The following MPP7 variants were observed in gnomAD, a reference collection of about 807,000 sequenced individuals.
MPP7 encodes MAGUK p55 subfamily member 7.
Under a neutral mutation model 76.5 loss-of-function variants are expected in MPP7, and 60 were observed. The observed-to-expected ratio is 0.78, with a 90% confidence interval of 0.64 to 0.97. The LOEUF is 0.97. Among genes scored for constraint, MPP7 ranks in the 50% least tolerant of loss-of-function variants. The pLI, the probability that MPP7 is intolerant of heterozygous loss-of-function variation, is 0.00. For synonymous variants in MPP7, 237 were observed against 244.5 expected (o/e 0.97, Z 0.29); for missense variants, 641 against 694.0 (o/e 0.92, Z 0.86).
At chr10:28,208,388 G>A (rs1564702494) in intron 2 of MPP7, among the ~76,000 whole-genome samples, 1 of 152,102 alleles carries the variant, frequency 6.6e-6, no homozygotes, top group South Asian at 2.1e-4. Flanking sequence ...AATATCCTGG[G>A]GGTGTATATA....
At chr10:28,185,277 A>G (rs920227853) in intron 3 of MPP7, among the ~76,000 whole-genome samples, 4 of 151,366 alleles carry the variant, frequency 2.6e-5, no homozygotes, top group Non-Finnish European at 5.9e-5. Context: ...TATGATAATA[A>G]TATAAGTTAT....
chr10:28,296,568 G>T (rs1264440268), intron 1 of MPP7, among the ~76,000 whole-genome samples: 1 of 152,114 alleles, frequency 6.6e-6, no homozygotes, highest in African/African-American at 2.4e-5. Flanking sequence ...AATGGATATC[G>T]CAACTGCTAT....
chr10:28,163,719 G>A (rs530238150), intron 3 of MPP7, among the ~76,000 whole-genome samples: 2 of 151,966 alleles, frequency 1.3e-5, no homozygotes, highest in African/African-American at 2.4e-5. Context: ...TGACCGAGGC[G>A]GGTGGATCAC....
chr10:28,279,957 G>A (rs759440040), intron 1 of MPP7: 1 of 152,060 alleles, frequency 6.6e-6, no homozygotes, highest in Non-Finnish European at 1.5e-5. Context: ...TGTGTGAGAT[G>A]AGGCTATCTG....
chr10:28,167,540 C>T (rs970328937), intron 3 of MPP7, among the ~76,000 whole-genome samples: 12 of 152,042 alleles, frequency 7.9e-5, no homozygotes, highest in Admixed American at 1.3e-4. Flanking sequence ...TTTGGGTGAC[C>T]GGCTCAACAG....
At chr10:28,250,596 C>T (rs1036698782) in intron 1 of MPP7, among the ~76,000 whole-genome samples, 2 of 152,146 alleles carry the variant, frequency 1.3e-5, no homozygotes, top group Non-Finnish European at 2.9e-5. Flanking sequence ...TCTAAATAAA[C>T]GAGCTGATGA....
At chr10:28,132,745 C>A (rs997894873) in intron 5 of MPP7, among the ~76,000 whole-genome samples, 2 of 152,120 alleles carry the variant, frequency 1.3e-5, no homozygotes, top group Non-Finnish European at 2.9e-5. Context: ...ATTACAGGCG[C>A]CCGCCACCAC....
intron 1 of MPP7, among the ~76,000 whole-genome samples, chr10:28,302,452 A>G (rs946418276): frequency 4.6e-5 from 7 of 152,246 alleles, no homozygotes; most frequent in African/African-American, 1.7e-4. Flanking sequence ...AGGGAAAGAA[A>G]AAAAAGAAGC....
At chr10:28,118,461 C>T (rs1834727002) in intron 11 of MPP7, 2 of 984,946 alleles carry the variant, frequency 2.0e-6, no homozygotes, top group Admixed American at 1.2e-4. Context: ...CCCACATATG[C>T]CAAATATATT....
At chr10:28,319,508 C>T (rs1430623642) in intron 2 of MPP7, among the ~76,000 whole-genome samples, 2 of 151,424 alleles carry the variant, frequency 1.3e-5, no homozygotes, top group Admixed American at 1.3e-4. Flanking sequence ...AAAACCCCGT[C>T]TCTACAAAAA....
chr10:28,178,676 G>A (rs1306917511), intron 3 of MPP7, among the ~76,000 whole-genome samples: 1 of 152,042 alleles, frequency 6.6e-6, no homozygotes, highest in African/African-American at 2.4e-5. Flanking sequence ...ATGGGGTAAA[G>A]ATTAATATCT....
intron 1 of MPP7, among the ~76,000 whole-genome samples, chr10:28,275,426 ATACAGAG>A (rs1247778616): frequency 3.5e-5 from 4 of 113,772 alleles, no homozygotes; most frequent in Admixed American, 8.2e-5. Flanking sequence ...TTTTTTTTTC[ATACAGAG>A]TCTCGCTCTG....
chr10:28,209,401 C>T (rs914884904), intron 2 of MPP7, among the ~76,000 whole-genome samples: 1 of 149,824 alleles, frequency 6.7e-6, no homozygotes, highest in Non-Finnish European at 1.5e-5. Context: ...CCCAGGAGTT[C>T]AAGGCTGCAG....
intron 2 of MPP7, among the ~76,000 whole-genome samples, chr10:28,229,755 G>C (rs1225115320): frequency 6.6e-6 from 1 of 152,088 alleles, no homozygotes; most frequent in Non-Finnish European, 1.5e-5. Flanking sequence ...CAGGCGTGGT[G>C]GCAGGCGCCT....
chr10:28,230,324 G>A (rs1838838737), intron 2 of MPP7, among the ~76,000 whole-genome samples: 1 of 150,442 alleles, frequency 6.6e-6, no homozygotes, highest in Non-Finnish European at 1.5e-5. Context: ...TAAAAGCAAA[G>A]ATTTGTACAA....
At chr10:28,283,576 G>A (rs1039468742) in intron 1 of MPP7, among the ~76,000 whole-genome samples, 11 of 151,912 alleles carry the variant, frequency 7.2e-5, no homozygotes, top group East Asian at 1.9e-4. Flanking sequence ...GTGCAGTGGC[G>A]CAATCTCAGC....
chr10:28,150,744 T>A (rs1353303222), intron 3 of MPP7, among the ~76,000 whole-genome samples: 1 of 152,054 alleles, frequency 6.6e-6, no homozygotes, highest in Non-Finnish European at 1.5e-5. Context: ...TGTAAAATAA[T>A]TATAATAATA....
chr10:28,165,037 A>T lies in MPP7; in HGVS notation c.157-14978T>A, dbSNP rs2801843. Among the ~76,000 whole-genome samples, 1,297 of 152,036 alleles carry T rather than the reference A, an allele frequency of 8.5e-3. 6 individuals are homozygous for T. Among genetic ancestry groups the T allele is most frequent in the Non-Finnish European group, 0.013 (868 of 67,988 alleles). The stretch of plus-strand genomic sequence containing the variant: ...GGCATTTTGAATGCCCCTGGCCAAT[A>T]TGGTGATTCTCTTCGCCTCACTAAT... On this transcript the variant is annotated intron_variant, in intron 3 of 16. Coordinates refer to ENST00000683449, the MANE Select transcript of MPP7 (RefSeq NM_001318170.2).
intron 5 of MPP7, among the ~76,000 whole-genome samples, chr10:28,134,726 TAA>T (rs1835301892): frequency 6.6e-6 from 1 of 152,050 alleles, no homozygotes; most frequent in African/African-American, 2.4e-5. Flanking sequence ...AACCTATGCT[TAA>T]TACATCACAG....
Sources: allele counts gnomAD v4.1 joint callset (sites outside exome capture counted in the v4.1 genomes callset), GRCh38; gene constraint gnomAD v4.1.1; transcripts MANE v1.5; gene names NCBI Gene and HGNC (gene_info 2026-07-23, HGNC 2026-07-21).